The following STT3B variants were observed in gnomAD, a reference collection of about 807,000 sequenced individuals.
STT3B encodes dolichyl-diphosphooligosaccharide--protein glycosyltransferase subunit STT3B.
In STT3B, 29 loss-of-function variants were observed where a neutral mutation model predicts 96.8. That is an observed-to-expected ratio of 0.30 (90% CI 0.22 to 0.41). The LOEUF (loss-of-function observed/expected upper bound fraction) is 0.41. Among genes scored for constraint, STT3B ranks in the 10% least tolerant of loss-of-function variants. The probability of loss-of-function intolerance (pLI) is 1.00; values close to 1 mark genes in which losing one functional copy is unlikely to be tolerated. For missense variants in STT3B, 640 were observed against 1,022.3 expected (o/e 0.63, Z 5.10); for synonymous variants, 367 against 360.0 (o/e 1.02, Z -0.22).
intron 1 of STT3B, among the ~76,000 whole-genome samples, chr3:31,567,038 C>T (rs568209672): frequency 1.1e-4 from 16 of 152,308 alleles, no homozygotes; most frequent in Non-Finnish European, 1.8e-4. Context: ...TCCTGGGATT[C>T]TCTTAAAGCT....
intron 1 of STT3B, among the ~76,000 whole-genome samples, chr3:31,544,363 T>A (rs999532353): frequency 6.6e-5 from 10 of 152,232 alleles, no homozygotes; most frequent in African/African-American, 2.2e-4. Context: ...ATAGCTTTGT[T>A]CTTGTCTAAT....
At chr3:31,601,353 G>A (rs916066905) in intron 5 of STT3B, among the ~76,000 whole-genome samples, 1 of 152,108 alleles carries the variant, frequency 6.6e-6, no homozygotes, top group Non-Finnish European at 1.5e-5. Context: ...TCATACAATG[G>A]TGTATTATTA....
chr3:31,585,435 A>G (rs1038379477), intron 3 of STT3B, among the ~76,000 whole-genome samples: 9 of 152,166 alleles, frequency 5.9e-5, no homozygotes, highest in African/African-American at 1.9e-4. Context: ...TTGTGAGAAC[A>G]TAGTAAGAAA....
intron 9 of STT3B, among the ~76,000 whole-genome samples, chr3:31,620,482 T>G (rs1699403141): frequency 1.3e-5 from 2 of 152,138 alleles, no homozygotes; most frequent in Non-Finnish European, 2.9e-5. Context: ...TTAGGGACAT[T>G]CATCTTCCAG....
At chr3:31,612,672 T>C (rs1699208412) in intron 5 of STT3B, among the ~76,000 whole-genome samples, 1 of 152,178 alleles carries the variant, frequency 6.6e-6, no homozygotes, top group Non-Finnish European at 1.5e-5. Context: ...AGTAAATATC[T>C]CTGAGAAGTT....
intron 5 of STT3B, among the ~76,000 whole-genome samples, chr3:31,607,360 T>A (rs1699075945): frequency 6.6e-6 from 1 of 152,154 alleles, no homozygotes; most frequent in African/African-American, 2.4e-5. Flanking sequence ...TCATCTTGAA[T>A]TGTAGTTCTC....
At chr3:31,558,287 T>C (rs190063293) in intron 1 of STT3B, among the ~76,000 whole-genome samples, 394 of 152,318 alleles carry the variant, frequency 2.6e-3, no homozygotes, top group African/African-American at 9.1e-3. Flanking sequence ...CAACTTTTCT[T>C]AATTCAGCAT....
intron 3 of STT3B, among the ~76,000 whole-genome samples, chr3:31,590,349 T>G (rs1698639635): frequency 6.6e-6 from 1 of 152,018 alleles, no homozygotes; most frequent in Admixed American, 6.6e-5. Context: ...CACACTTGGT[T>G]TACTCTTTTC....
chr3:31,611,330 T>TAG (rs1699175345), intron 5 of STT3B, among the ~76,000 whole-genome samples: 1 of 152,208 alleles, frequency 6.6e-6, no homozygotes, highest in South Asian at 2.1e-4. Flanking sequence ...ATCTGACTCT[T>TAG]AGAGGGTAGG....
chr3:31,626,192 C>A, intron 13 of STT3B, 65 bp downstream of exon 13: 1 of 1,387,814 alleles, frequency 7.2e-7, no homozygotes, highest in Non-Finnish European at 1.0e-6. Flanking sequence ...ATTCTCTCAT[C>A]TTGCTAATTG....
chr3:31,598,759 G>A (rs191692725), intron 4 of STT3B, among the ~76,000 whole-genome samples: 8 of 151,738 alleles, frequency 5.3e-5, no homozygotes, highest in African/African-American at 1.7e-4. Context: ...GATACCTAGA[G>A]TCATTACCGA....
intron 1 of STT3B, among the ~76,000 whole-genome samples, chr3:31,552,123 A>C (rs761249642): frequency 3.3e-4 from 50 of 152,180 alleles, no homozygotes; most frequent in Non-Finnish European, 7.3e-5. Flanking sequence ...CTGACCCATG[A>C]AGCTATGATA....
At chr3:31,602,978 C>A (rs774411413) in intron 5 of STT3B, among the ~76,000 whole-genome samples, 3 of 151,976 alleles carry the variant, frequency 2.0e-5, no homozygotes, top group Non-Finnish European at 4.4e-5. Flanking sequence ...AGTTCAATTT[C>A]TCTTAACTTA....
At chr3:31,602,991 G>A (rs761656433) in intron 5 of STT3B, among the ~76,000 whole-genome samples, 16 of 151,920 alleles carry the variant, frequency 1.1e-4, no homozygotes, top group Non-Finnish European at 2.1e-4. Context: ...TTAACTTAAT[G>A]GTCCTAAAAA....
chr3:31,569,890 A>T (rs1348172212), intron 1 of STT3B, among the ~76,000 whole-genome samples: 1 of 152,016 alleles, frequency 6.6e-6, no homozygotes, highest in Non-Finnish European at 1.5e-5. Flanking sequence ...GTCATTATGT[A>T]TGTAAATCAT....
intron 1 of STT3B, 47 bp downstream of exon 1, chr3:31,533,359 G>T (rs780836340): frequency 7.0e-7 from 1 of 1,419,558 alleles, no homozygotes; most frequent in Admixed American, 2.6e-5. Context: ...GCGGGGAACC[G>T]GGACCCGCTC....
intron 1 of STT3B, among the ~76,000 whole-genome samples, chr3:31,535,146 C>T (rs1218712120): frequency 6.6e-6 from 1 of 151,938 alleles, no homozygotes; most frequent in Non-Finnish European, 1.5e-5. Context: ...TTAATAGTAA[C>T]TCTGGGGCTG....
intron 8 of STT3B, 79 bp from the exon 9 acceptor site, chr3:31,619,597 C>A (rs2125474321): frequency 7.9e-7 from 1 of 1,259,438 alleles, no homozygotes; most frequent in Non-Finnish European, 1.1e-6. Context: ...ATTTCTACAA[C>A]CAAACAAGAT....
chr3:31,626,792 C>A (rs1227508488), intron 13 of STT3B, among the ~76,000 whole-genome samples: 1 of 152,150 alleles, frequency 6.6e-6, no homozygotes, highest in Non-Finnish European at 1.5e-5. Context: ...AAGCCCCAGC[C>A]TAGGGACTGG....
Sources: allele counts gnomAD v4.1 joint callset (sites outside exome capture counted in the v4.1 genomes callset), GRCh38; gene constraint gnomAD v4.1.1; transcripts MANE v1.5; gene names NCBI Gene and HGNC (gene_info 2026-07-23, HGNC 2026-07-21).